Variants in USH2A observed in about 807,000 individuals in gnomAD.
The protein encoded by USH2A is Usher syndrome 2A (autosomal recessive, mild).
In USH2A, 443 loss-of-function variants were observed where a neutral mutation model predicts 538.9. That is an observed-to-expected ratio of 0.82 (90% CI 0.76 to 0.89). USH2A has a LOEUF of 0.89. Among genes scored for constraint, USH2A ranks in the 40% least tolerant of loss-of-function variants. The pLI is 0.00. For synonymous variants in USH2A, 2,413 were observed against 2,273.5 expected, an observed-to-expected ratio of 1.06 and a Z score of -1.75; for missense variants, 6,633 against 6,324.8, an observed-to-expected ratio of 1.05 and a Z score of -1.65.
chr1:216,081,232 G>A (rs2031932054), intron 26 of USH2A, among the ~76,000 whole-genome samples: 1 of 152,122 alleles, frequency 6.6e-6, no homozygotes, highest in African/African-American at 2.4e-5. Flanking sequence ...CTCAGGTAAG[G>A]AGCAAGTAAG....
chr1:216,265,394 G>A (rs904744934), intron 11 of USH2A, among the ~76,000 whole-genome samples: 2 of 151,962 alleles, frequency 1.3e-5, no homozygotes, highest in Non-Finnish European at 2.9e-5. Context: ...TACACTGTTG[G>A]TAGGAATGTA....
At chr1:215,789,971 T>C (rs1661933627) in intron 51 of USH2A, 88 bp downstream of exon 51, 13 of 1,294,804 alleles carry the variant, frequency 1.0e-5, no homozygotes, top group African/African-American at 1.5e-5. Flanking sequence ...GGAGTTTTTA[T>C]ATTCCTATTT....
intron 53 of USH2A, 94 bp from the exon 54 acceptor site, chr1:215,782,290 A>G (rs1170352947): frequency 3.0e-6 from 4 of 1,313,466 alleles, no homozygotes; most frequent in Non-Finnish European, 4.3e-6. Context: ...AAGAAATGCA[A>G]TACTATAGCT....
chr1:215,830,688 A>G (rs962563274), intron 47 of USH2A, among the ~76,000 whole-genome samples: 5 of 152,304 alleles, frequency 3.3e-5, no homozygotes, highest in Middle Eastern at 3.4e-3. Context: ...CAAGCTGCAC[A>G]TTTATGGTTG....
At chr1:215,894,109 TC>T (rs1665268181) in intron 40 of USH2A, among the ~76,000 whole-genome samples, 1 of 152,134 alleles carries the variant, frequency 6.6e-6, no homozygotes, top group Non-Finnish European at 1.5e-5. Context: ...GAAAAACATG[TC>T]AGCAATCAGA....
At chr1:215,704,926 C>T (rs910857450) in intron 61 of USH2A, among the ~76,000 whole-genome samples, 3 of 152,264 alleles carry the variant, frequency 2.0e-5, no homozygotes, top group South Asian at 2.1e-4. Flanking sequence ...AGACCTTGAA[C>T]TCTTAGAGGA....
At chr1:216,095,255 A>C (rs12759921) in intron 22 of USH2A, among the ~76,000 whole-genome samples, 1 of 151,986 alleles carries the variant, frequency 6.6e-6, no homozygotes, top group South Asian at 2.1e-4. Context: ...GTAGTATCTA[A>C]CTTTCTTGTT....
intron 58 of USH2A, among the ~76,000 whole-genome samples, chr1:215,747,627 T>A (rs949525178): frequency 6.6e-6 from 1 of 152,132 alleles, no homozygotes; most frequent in Admixed American, 6.5e-5. Context: ...GCAAAAAGTA[T>A]TTTTTGGAGG....
intron 21 of USH2A, among the ~76,000 whole-genome samples, chr1:216,147,304 C>T (rs1313694382): frequency 6.6e-6 from 1 of 152,120 alleles, no homozygotes; most frequent in Non-Finnish European, 1.5e-5. Flanking sequence ...TTATCACCTC[C>T]CCTCCTCACA....
At chr1:215,789,612 A>G (rs940092672) in intron 51 of USH2A, among the ~76,000 whole-genome samples, 3 of 152,190 alleles carry the variant, frequency 2.0e-5, no homozygotes, top group South Asian at 2.1e-4. Context: ...CCAAGGGAAT[A>G]TGATATAAAT....
At chr1:216,066,193 G>A (rs1010067242) in intron 30 of USH2A, among the ~76,000 whole-genome samples, 1 of 151,890 alleles carries the variant, frequency 6.6e-6, no homozygotes, top group African/African-American at 2.4e-5. Context: ...TATCCTGGCC[G>A]GGCACTGTGG....
intron 20 of USH2A, among the ~76,000 whole-genome samples, chr1:216,185,290 T>C (rs2034576234): frequency 6.6e-6 from 1 of 151,938 alleles, no homozygotes; most frequent in Admixed American, 6.6e-5. Flanking sequence ...TGCAATACTC[T>C]GGATGAAATG....
rs1203038826 is a variant in USH2A, at chr1:216,196,578, T to C, written c.4226A>G (p.Gln1409Arg). ...CTGTGAAAACGCCATGGGAATAGAC[T>C]GTTGAGGTGATTGTTCAGAAAGCAT... ...INMLSEQSPQ[Q>R]SIPMAFSQLL... is the part of the protein sequence containing the mutation. The change falls in exon 19 of 72, where the codon CAG becomes CGG. Residue 1409 changes from glutamine to arginine, a missense_variant. Coordinates refer to ENST00000307340, the MANE Select transcript of USH2A (RefSeq NM_206933.4). The C allele has an allele frequency of 2.5e-6, 4 of 1,613,558 alleles. No individual in the cohort carries two copies. The highest frequency in any genetic ancestry group is 3.4e-6 in the Non-Finnish European group (4 of 1,179,626).
chr1:215,842,019 G>A (rs184879787), intron 46 of USH2A, among the ~76,000 whole-genome samples: 11 of 152,212 alleles, frequency 7.2e-5, no homozygotes, highest in Non-Finnish European at 1.5e-4. Flanking sequence ...CATATAAAGG[G>A]ATTATTCAAA....
chr1:215,939,793 T>C (rs892020824), intron 37 of USH2A, among the ~76,000 whole-genome samples: 21 of 152,122 alleles, frequency 1.4e-4, no homozygotes, highest in Non-Finnish European at 3.1e-4. Flanking sequence ...GCTGGACTGC[T>C]CTGACCTTTT....
intron 61 of USH2A, among the ~76,000 whole-genome samples, chr1:215,688,031 A>T (rs1658490340): frequency 6.6e-6 from 1 of 152,140 alleles, no homozygotes; most frequent in African/African-American, 2.4e-5. Flanking sequence ...GAAGGGAATA[A>T]GTAGGGTGGT....
At chr1:215,885,212 T>TC (rs1665016603) in intron 41 of USH2A, among the ~76,000 whole-genome samples, 1 of 150,838 alleles carries the variant, frequency 6.6e-6, no homozygotes, top group East Asian at 2.0e-4. Flanking sequence ...TGCCTTTTTT[T>TC]CTGCATCTAT....
chr1:216,180,171 T>C (rs1045377728), intron 20 of USH2A, among the ~76,000 whole-genome samples: 1 of 152,144 alleles, frequency 6.6e-6, no homozygotes, highest in Non-Finnish European at 1.5e-5. Flanking sequence ...AATTCATCTA[T>C]ATTCAAAATC....
At chr1:216,378,080 A>T (rs2102729540) in intron 3 of USH2A, among the ~76,000 whole-genome samples, 1 of 152,184 alleles carries the variant, frequency 6.6e-6, no homozygotes, top group Non-Finnish European at 1.5e-5. Context: ...TCCAGGAAAA[A>T]AATTTCTTGG....
Sources: gnomAD v4.1 joint callset for allele counts (sites outside exome capture counted in the v4.1 genomes callset) on GRCh38, gnomAD v4.1.1 for gene constraint, MANE v1.5 for transcripts, NCBI Gene and HGNC (gene_info 2026-07-23, HGNC 2026-07-21) for gene names.